Variants in ATP13A4 observed in about 807,000 individuals in gnomAD.
ATP13A4 encodes probable cation-transporting ATPase 13A4.
A neutral mutation model predicts 142.5 loss-of-function variants in ATP13A4; 114 were observed. The ratio of observed to expected loss-of-function variants is 0.80; its 90% confidence interval spans 0.69 to 0.93. The LOEUF is 0.93. Ranked by LOEUF, ATP13A4 falls within the 40% of genes least tolerant of loss-of-function variation. The pLI is 0.00. For synonymous variants in ATP13A4, 488 were observed against 514.8 expected, an observed-to-expected ratio of 0.95 and a Z score of 0.70; for missense variants, 1,392 against 1,454.0, an observed-to-expected ratio of 0.96 and a Z score of 0.69.
intron 2 of ATP13A4, among the ~76,000 whole-genome samples, chr3:193,504,941 ATT>A (rs1720777561): frequency 6.6e-6 from 1 of 152,116 alleles, no homozygotes; most frequent in African/African-American, 2.4e-5. Context: ...GTTTGTAGAA[ATT>A]TTGTTATGTT....
intron 2 of ATP13A4, among the ~76,000 whole-genome samples, chr3:193,561,879 T>C (rs1724024156): frequency 6.6e-6 from 1 of 152,206 alleles, no homozygotes; most frequent in Non-Finnish European, 1.5e-5. Flanking sequence ...GCCTCTTTTT[T>C]ACACACCCCT....
intron 1 of ATP13A4, among the ~76,000 whole-genome samples, chr3:193,583,675 T>G (rs113371771): frequency 0.031 from 4,774 of 151,626 alleles, 85 homozygotes; most frequent in African/African-American, 0.039. Flanking sequence ...AATCAGACAA[T>G]AAGTTGGCAT....
At position 193,493,214 on chromosome 3, in the gene ATP13A4, A is replaced by G. The variant is rs924922184; in HGVS notation, c.382-54T>C. On this transcript the variant is annotated intron_variant, in intron 3 of 29. Transcript: ENST00000342695. ...CTAGTTTGAGGATCAGAGAATAAAC[A>G]GCAACCCAGTGGCTAAAGAAGCATT... 1.1e-5 allele frequency: 16 copies of G among 1,456,074 alleles called. No homozygotes were observed. The African/African-American group carries it at 1.8e-4, about 17-fold the overall frequency. The allele number at this position is 1,456,074 out of a possible 1,614,324, so 90.2% of individuals were successfully genotyped here.
chr3:193,413,540 G>A (rs1218495215), intron 26 of ATP13A4, among the ~76,000 whole-genome samples: 1 of 152,130 alleles, frequency 6.6e-6, no homozygotes, highest in African/African-American at 2.4e-5. Context: ...AGAGACCGTT[G>A]AATTCTTTTC....
chr3:193,554,750 TCTTCTC>T lies in ATP13A4; in HGVS notation c.44_49del (p.Gly15_Glu16del), dbSNP rs756253719. ...TGGCTAGAATCTTACCATCTCATTC[TCTTCTC>T]CTTCATTGAGCAGAGCGTGCTGGCC... On this transcript the variant is annotated inframe_deletion, in exon 1 of 30. Transcript: ENST00000342695. 114 of 1,613,834 alleles carry T rather than the reference TCTTCTC, an allele frequency of 7.1e-5. No homozygotes were observed. Among genetic ancestry groups the T allele is most frequent in the Non-Finnish European group, 9.2e-5 (108 of 1,180,012 alleles).
rs187279223 is a variant in ATP13A4, at chr3:193,516,785, T to A, written c.61-1914A>T. ...AAAACCTCTCTGTTACTATGCATTC[T>A]TTTTTGGGCTACGCAGTGAGGGCTC... is the stretch of plus-strand genomic sequence containing the variant. On this transcript the variant is annotated intron_variant, in intron 1 of 29. Coordinates refer to ENST00000342695, the MANE Select transcript of ATP13A4 (RefSeq NM_032279.4). 8.7e-3 allele frequency among the ~76,000 whole-genome samples: 1,259 copies of A among 144,572 alleles called. 18 individuals are homozygous for A. Among genetic ancestry groups the A allele is most frequent in the African/African-American group, 0.028 (1,166 of 41,052 alleles). 94.8% of individuals were successfully genotyped at this position (144,572 alleles called of 152,430 possible). A position where few individuals can be genotyped will look rare whatever the true frequency, so the allele number is the denominator to read the frequency against.
At chr3:193,567,168 AATG>A (rs1315829458) in intron 2 of ATP13A4, among the ~76,000 whole-genome samples, 6 of 152,218 alleles carry the variant, frequency 3.9e-5, no homozygotes, top group African/African-American at 7.2e-5. Context: ...AATATTTGAA[AATG>A]ATAATTAAAT....
At chr3:193,538,885 GTTTTTTCTTTTTT>G (rs1352657429) in intron 1 of ATP13A4, among the ~76,000 whole-genome samples, 3 of 139,896 alleles carry the variant, frequency 2.1e-5, no homozygotes, top group Non-Finnish European at 4.7e-5. Context: ...TTCTTTCTTG[GTTTTTTCTTTTTT>G]TTTTTTTTTT....
Position 193,466,088 on chromosome 3 carries a change from C to T in ATP13A4, c.1209G>A (p.Leu403=), listed in dbSNP as rs368640670. The part of the protein sequence containing the change: ...QLYRDAIRFL[L]CLVGTATIGM... ...CAATGGTGGCTGTTCCTACAAGGCA[C>T]AGGAGGAACCTGATGGCATCCCTGT... is the stretch of plus-strand genomic sequence containing the variant. The change falls in exon 11 of 30, where the codon CTG becomes CTA. Residue 403 remains leucine (L), a synonymous_variant. Transcript: ENST00000342695. 1 of 1,614,180 alleles carries T rather than the reference C, an allele frequency of 6.2e-7. No homozygotes were observed. The highest frequency in any genetic ancestry group is 1.7e-5 in the Admixed American group (1 of 60,020).
intron 2 of ATP13A4, among the ~76,000 whole-genome samples, chr3:193,511,876 C>T (rs1395733035): frequency 2.0e-5 from 3 of 152,186 alleles, no homozygotes; most frequent in Non-Finnish European, 4.4e-5. Context: ...GACTCCAAAT[C>T]CCAAAACACA....
chr3:193,546,465 T>C (rs956178401), intron 1 of ATP13A4, among the ~76,000 whole-genome samples: 20 of 152,220 alleles, frequency 1.3e-4, no homozygotes, highest in African/African-American at 4.8e-4. Context: ...GCAATACTTG[T>C]TGTCTCAGTG....
At chr3:193,557,360 A>G (rs1723925164), upstream of ATP13A4, among the ~76,000 whole-genome samples, 3 of 152,216 alleles carry the variant, frequency 2.0e-5, no homozygotes, top group African/African-American at 7.2e-5. Flanking sequence ...AACACTGCTT[A>G]TGGACAGCAC....
At chr3:193,584,355 T>C (rs1230198399) in intron 1 of ATP13A4, among the ~76,000 whole-genome samples, 1 of 152,098 alleles carries the variant, frequency 6.6e-6, no homozygotes, top group African/African-American at 2.4e-5. Flanking sequence ...CTCTCAAAAC[T>C]GGAGAAGGAA....
chr3:193,424,278 T>A (rs965219292), intron 25 of ATP13A4, among the ~76,000 whole-genome samples: 6 of 147,612 alleles, frequency 4.1e-5, no homozygotes. Flanking sequence ...ACAGATTCAA[T>A]CCAATCTCTA....
chr3:193,425,780 G>A (rs932393734), intron 25 of ATP13A4, among the ~76,000 whole-genome samples: 2 of 151,596 alleles, frequency 1.3e-5, no homozygotes, highest in Non-Finnish European at 3.0e-5. Context: ...TCAATAGGAG[G>A]AATAAGTTCT....
chr3:193,477,449 T>A (rs1186467676), intron 8 of ATP13A4, among the ~76,000 whole-genome samples: 2 of 151,954 alleles, frequency 1.3e-5, no homozygotes, highest in Admixed American at 6.6e-5. Flanking sequence ...TGTTTTATCA[T>A]AAAAAATATG....
intron 17 of ATP13A4, among the ~76,000 whole-genome samples, chr3:193,453,048 C>T (rs1191432717): frequency 6.6e-6 from 1 of 151,982 alleles, no homozygotes; most frequent in African/African-American, 2.4e-5. Flanking sequence ...CATAACACAC[C>T]TGTATCAGTC....
rs991075504 is a variant in ATP13A4 at position 193,528,670 on chromosome 3, C to G, written c.61-13799G>C. Among the ~76,000 whole-genome samples, 3 of 152,262 alleles carry G rather than the reference C, an allele frequency of 2.0e-5. 1 individual carries two copies. The highest frequency in any genetic ancestry group is 1.3e-4 in the Admixed American group (2 of 15,302). ...GGGCAAGACAATTACAATGTTATCT[C>G]AGGGGGATTTTTTAATGCTCTTATT... On this transcript the variant is annotated intron_variant, in intron 1 of 29. Coordinates refer to ENST00000342695, the MANE Select transcript of ATP13A4 (RefSeq NM_032279.4).
chr3:193,468,603 C>T (rs550239006), intron 9 of ATP13A4, among the ~76,000 whole-genome samples: 66 of 152,150 alleles, frequency 4.3e-4, no homozygotes, highest in Non-Finnish European at 8.4e-4. Context: ...CAAAATCAGC[C>T]GGGTGTGGTG....
Sources: allele counts gnomAD v4.1 joint callset (sites outside exome capture counted in the v4.1 genomes callset), GRCh38; gene constraint gnomAD v4.1.1; transcripts MANE v1.5; gene names NCBI Gene and HGNC (gene_info 2026-07-23, HGNC 2026-07-21).